Variants in MAML2 observed in about 807,000 individuals in gnomAD.
MAML2 encodes the protein mastermind like transcriptional coactivator 2, also known as mastermind-like protein 2.
Under a neutral mutation model 96.1 loss-of-function variants are expected in MAML2, and 22 were observed. That is an observed-to-expected ratio of 0.23 (90% CI 0.16 to 0.33). The LOEUF is 0.33. MAML2 is among the 10% of genes least tolerant of loss of function. The pLI is 1.00. For synonymous variants in MAML2, 561 were observed against 521.3 expected (o/e 1.08, Z -1.04); for missense variants, 1,367 against 1,392.4 (o/e 0.98, Z 0.29).
chr11:96,308,604 A>G (rs1358713730), intron 1 of MAML2, among the ~76,000 whole-genome samples: 2 of 152,216 alleles, frequency 1.3e-5, no homozygotes, highest in Non-Finnish European at 2.9e-5. Flanking sequence ...AAATAAACAA[A>G]TGGTACTTTG....
intron 1 of MAML2, among the ~76,000 whole-genome samples, chr11:96,231,926 A>G (rs377165431): frequency 1.5e-4 from 23 of 152,326 alleles, no homozygotes; most frequent in African/African-American, 5.3e-4. Context: ...AAGAGTTCTG[A>G]TGCCTCTAAC....
At position 96,312,599 on chromosome 11, in the gene MAML2, T is replaced by C. The variant is rs572430577; in HGVS notation, c.513+28784A>G. ...GTTTGACAATATGCTAAACTGAATT[T>C]CCCTCTAGGAAGTATGAGGCAGAGC... On this transcript the variant is annotated intron_variant, in intron 1 of 4. Coordinates refer to ENST00000524717, the MANE Select transcript of MAML2 (RefSeq NM_032427.4). Among the ~76,000 whole-genome samples the C allele has an allele frequency of 3.9e-5, 6 of 152,338 alleles. No individual in the cohort carries two copies. The East Asian group carries it at 7.7e-4, about 20-fold the overall frequency.
Position 96,341,810 on chromosome 11 carries a change from G to A in MAML2, c.86C>T (p.Thr29Ile), listed in dbSNP as rs772754666. ...CACGATAGCACTGTGCACTCTCGGG[G>A]TGACTGAGCCCCCTCCAAGGAGCCC... The part of the protein sequence containing the change: ...GAGLLGGGSV[T>I]PRVHSAIVER... The change falls in exon 1 of 5, where the codon ACC becomes ATC. Residue 29 changes from threonine (T) to isoleucine (I), a missense_variant. Physicochemically the swap from Thr to Ile is moderately conservative, Grantham distance 89. Coordinates refer to ENST00000524717, the MANE Select transcript of MAML2 (RefSeq NM_032427.4). 3 of 1,600,710 alleles carry A rather than the reference G, an allele frequency of 1.9e-6. No individual in the cohort carries two copies. Among genetic ancestry groups the A allele is most frequent in the Non-Finnish European group, 1.7e-6 (2 of 1,176,040 alleles).
chr11:96,128,558 G>A (rs1255271014), intron 1 of MAML2, among the ~76,000 whole-genome samples: 3 of 152,170 alleles, frequency 2.0e-5, no homozygotes, highest in Non-Finnish European at 2.9e-5. Flanking sequence ...TGACACTGGT[G>A]TTAGAGTTTG....
At chr11:96,203,999 TG>T (rs1283449907) in intron 1 of MAML2, among the ~76,000 whole-genome samples, 2 of 152,186 alleles carry the variant, frequency 1.3e-5, no homozygotes, top group South Asian at 2.1e-4. Flanking sequence ...AAATAGGGTG[TG>T]GGGGAATCTC....
chr11:96,062,772 T>TA (rs60660941), intron 2 of MAML2, among the ~76,000 whole-genome samples: 1 of 152,228 alleles, frequency 6.6e-6, no homozygotes, highest in Non-Finnish European at 1.5e-5. Flanking sequence ...ACTCCCTTTT[T>TA]AAAAATTTCA....
intron 1 of MAML2, among the ~76,000 whole-genome samples, chr11:96,111,031 A>G (rs1171883231): frequency 1.3e-5 from 2 of 152,156 alleles, no homozygotes; most frequent in Non-Finnish European, 2.9e-5. Flanking sequence ...TCTCCATCAA[A>G]GAAAATATAG....
chr11:95,994,163 T>G (rs478522), intron 2 of MAML2, among the ~76,000 whole-genome samples: 1,910 of 152,206 alleles, frequency 0.013, 29 homozygotes, highest in African/African-American at 0.043. Flanking sequence ...TTGAGCACCC[T>G]CAGGTCAGGA....
Position 96,092,299 on chromosome 11 carries a change from G to A in MAML2, c.1732C>T (p.Gln578Ter). 6.4e-7 allele frequency: 1 copy of A among 1,573,502 alleles called. No homozygotes were observed. Among genetic ancestry groups the A allele is most frequent in the Non-Finnish European group, 8.6e-7 (1 of 1,158,902 alleles). The change falls in exon 2 of 5, where the codon CAG (glutamine) becomes TAG (stop). Residue 578 changes from glutamine (Q) to a stop codon, truncating the protein, a stop_gained. Coordinates refer to ENST00000524717, the MANE Select transcript of MAML2 (RefSeq NM_032427.4). LOFTEE classifies it high-confidence loss of function. This position sits in a 1 kb window ranked among gnomAD's most constrained non-coding sequence, Gnocchi z 4.1. ...NQQMPSVLPS[Q>*]NKPSLLHYTQ... ...TAGTGTAGGAGAGAAGGCTTGTTCT[G>A]GGAAGGCAAAACAGAAGGCATCTGC... is the stretch of plus-strand genomic sequence containing the variant.
chr11:96,095,194 T>C (rs1255599984), intron 1 of MAML2, among the ~76,000 whole-genome samples: 1 of 152,008 alleles, frequency 6.6e-6, no homozygotes, highest in East Asian at 1.9e-4. Context: ...ATCAACCTAG[T>C]ATAAAGGGGC....
At chr11:96,052,616 C>A (rs1176474128) in intron 2 of MAML2, among the ~76,000 whole-genome samples, 1 of 152,130 alleles carries the variant, frequency 6.6e-6, no homozygotes, top group Non-Finnish European at 1.5e-5. Flanking sequence ...TTTTATCCAC[C>A]AGAGCTGTCT....
intron 1 of MAML2, among the ~76,000 whole-genome samples, chr11:96,288,179 A>T (rs1434588311): frequency 6.6e-6 from 1 of 152,210 alleles, no homozygotes; most frequent in African/African-American, 2.4e-5. Flanking sequence ...TAGATCTCAG[A>T]GCAAATGTAC....
At chr11:96,065,688 G>T (rs1340118809) in intron 2 of MAML2, among the ~76,000 whole-genome samples, 1 of 152,212 alleles carries the variant, frequency 6.6e-6, no homozygotes, top group African/African-American at 2.4e-5. Context: ...TAACAATCAT[G>T]TGTGGTGGGT....
At chr11:96,038,232 C>T (rs1858749821) in intron 2 of MAML2, among the ~76,000 whole-genome samples, 2 of 152,102 alleles carry the variant, frequency 1.3e-5, no homozygotes, top group South Asian at 4.2e-4. Flanking sequence ...ATGTACTAGA[C>T]ATTTTTTTGT....
intron 1 of MAML2, among the ~76,000 whole-genome samples, chr11:96,136,439 C>A (rs1160941702): frequency 6.6e-6 from 1 of 151,856 alleles, no homozygotes; most frequent in Non-Finnish European, 1.5e-5. Flanking sequence ...ATTTAGCATC[C>A]CATATTGGAA....
At chr11:96,149,432 A>AAAATT (rs59453325) in intron 1 of MAML2, among the ~76,000 whole-genome samples, 1 of 112,608 alleles carries the variant, frequency 8.9e-6, no homozygotes, top group East Asian at 2.4e-4. Context: ...AAAAAAAAAA[A>AAAATT]TGAGAAGTTA....
chr11:96,130,892 C>A (rs1259797163), intron 1 of MAML2, among the ~76,000 whole-genome samples: 1 of 151,888 alleles, frequency 6.6e-6, no homozygotes, highest in Non-Finnish European at 1.5e-5. Flanking sequence ...TCCAAAAAAA[C>A]CTAATTCTTT....
At chr11:96,113,450 G>T (rs1416066715) in intron 1 of MAML2, among the ~76,000 whole-genome samples, 1 of 151,992 alleles carries the variant, frequency 6.6e-6, no homozygotes, top group East Asian at 1.9e-4. Flanking sequence ...CTGATAAAAT[G>T]ATTTACCCCC....
intron 2 of MAML2, among the ~76,000 whole-genome samples, chr11:96,000,676 C>T (rs1384903787): frequency 6.6e-6 from 1 of 152,150 alleles, no homozygotes. Context: ...AACAATTACA[C>T]ACAGCAGGAA....
Sources: allele counts gnomAD v4.1 joint callset (sites outside exome capture counted in the v4.1 genomes callset), GRCh38; gene constraint gnomAD v4.1.1; non-coding constraint Gnocchi (gnomAD v3.1); transcripts MANE v1.5; gene names NCBI Gene and HGNC (gene_info 2026-07-23, HGNC 2026-07-21).